SLC6A17: variants seen among roughly 807,000 people sequenced by gnomAD.
The protein encoded by SLC6A17 is solute carrier family 6 member 17, also known as sodium-dependent neutral amino acid transporter SLC6A17.
A neutral mutation model predicts 64.5 loss-of-function variants in SLC6A17; 21 were observed. The observed-to-expected ratio is 0.33, with a 90% CI of 0.23 to 0.47. The LOEUF is 0.47. Ranked by LOEUF, SLC6A17 falls within the 20% of genes least tolerant of loss-of-function variation. SLC6A17 has a pLI of 1.00. For missense variants in SLC6A17, 682 were observed against 963.2 expected (o/e 0.71, Z 3.86); for synonymous variants, 372 against 399.5 (o/e 0.93, Z 0.82).
intron 2 of SLC6A17, among the ~76,000 whole-genome samples, chr1:110,168,469 C>T (rs979156713): frequency 1.2e-4 from 18 of 152,186 alleles, no homozygotes; most frequent in Non-Finnish European, 1.8e-4. Flanking sequence ...TTCCATCTTT[C>T]CCCCATAGCA....
intron 2 of SLC6A17, among the ~76,000 whole-genome samples, chr1:110,171,154 C>T (rs1656213857): frequency 6.6e-6 from 1 of 152,182 alleles, no homozygotes; most frequent in Admixed American, 6.5e-5. Flanking sequence ...CTTCTGGAGG[C>T]TCTCTACTGG....
intron 2 of SLC6A17, among the ~76,000 whole-genome samples, chr1:110,168,980 C>T (rs546350575): frequency 6.6e-6 from 1 of 152,348 alleles, no homozygotes; most frequent in African/African-American, 2.4e-5. Flanking sequence ...CTGATTCCTG[C>T]AATCCCTTTT....
intron 6 of SLC6A17, among the ~76,000 whole-genome samples, chr1:110,183,944 G>A (rs1425937158): frequency 6.6e-6 from 1 of 152,134 alleles, no homozygotes; most frequent in Non-Finnish European, 1.5e-5. Context: ...GTGGCAGCAC[G>A]AAGGGCCCCC....
chr1:110,198,694 A>C lies in SLC6A17; in HGVS notation c.*250A>C. The C allele has an allele frequency of 2.0e-6, 1 of 512,418 alleles. No individual in the cohort carries two copies. Among genetic ancestry groups the C allele is most frequent in the Non-Finnish European group, 3.3e-6 (1 of 304,048 alleles). The allele number at this position is 512,418 out of a possible 1,614,324, so 31.7% of individuals were successfully genotyped here. On this transcript the variant is annotated 3_prime_UTR_variant, in exon 12 of 12. Coordinates refer to ENST00000331565, the MANE Select transcript of SLC6A17 (RefSeq NM_001010898.4). ...TCTAGCCCTCCAAGAGCCTCCGCCA[A>C]ATTGTAGCCATGTAATTGGAACAAC...
rs71665084 is a variant in SLC6A17 at position 110,194,564 on chromosome 1, C to T, written c.1300-15C>T. 1 of 1,609,768 alleles carries T rather than the reference C, an allele frequency of 6.2e-7. No individual in the cohort carries two copies. The highest frequency in any genetic ancestry group is 2.2e-5 in the East Asian group (1 of 44,770). ...GGGGTGACCTCACAGGCCCTGCTTTCCACCCCACCTTCAGTCCGTGCAGGG... is the reference window on the plus strand; with the variant it reads ...GGGGTGACCTCACAGGCCCTGCTTTTCACCCCACCTTCAGTCCGTGCAGGG... On this transcript the variant is annotated splice_polypyrimidine_tract_variant and intron_variant, in intron 8 of 11. Transcript: ENST00000331565.
At chr1:110,196,929 G>A (rs1414548714) in intron 10 of SLC6A17, among the ~76,000 whole-genome samples, 1 of 152,194 alleles carries the variant, frequency 6.6e-6, no homozygotes, top group Non-Finnish European at 1.5e-5. Flanking sequence ...CAAGATTTTA[G>A]TTAGCGGTTA....
chr1:110,172,282 G>A (rs370761823), intron 3 of SLC6A17, 65 bp downstream of exon 3: 8 of 1,505,992 alleles, frequency 5.3e-6, no homozygotes, highest in Non-Finnish European at 6.2e-6. Flanking sequence ...CATTGGAGAC[G>A]AGGTCACCGA....
At chr1:110,181,516 T>C (rs536859291) in intron 6 of SLC6A17, among the ~76,000 whole-genome samples, 1 of 152,370 alleles carries the variant, frequency 6.6e-6, no homozygotes, top group African/African-American at 2.4e-5. Flanking sequence ...ACAGACTTCC[T>C]GGTCCTCATG....
At chr1:110,178,790 T>C (rs930622206) in intron 6 of SLC6A17, 14 of 152,120 alleles carry the variant, frequency 9.2e-5, no homozygotes, top group Admixed American at 2.0e-4. Flanking sequence ...CCGTCAGGGC[T>C]CCACCGTCAT....
chr1:110,172,246 G>A, intron 3 of SLC6A17, 29 bp downstream of exon 3: 2 of 1,553,758 alleles, frequency 1.3e-6, no homozygotes, highest in Admixed American at 3.8e-5. Flanking sequence ...CAGGCACTGA[G>A]TGGGAGGCAG....
rs773673995 is a variant in SLC6A17, at chr1:110,198,172, C to T, written c.1912C>T (p.Leu638=). 4.3e-6 allele frequency: 7 copies of T among 1,614,112 alleles called. 1 individual carries two copies. The South Asian group carries it at 6.6e-5, about 15-fold the overall frequency. The change falls in exon 12 of 12, where the codon CTG becomes TTG. Residue 638 remains leucine (L), a synonymous_variant. Transcript: ENST00000331565. The part of the protein sequence containing the change: ...ATLPIPVVFV[L]RHFHLLSDGS... The stretch of plus-strand genomic sequence containing the variant: ...GCTGCCCATCCCTGTGGTGTTCGTC[C>T]TGCGGCACTTCCACCTGCTCTCTGA...
At chr1:110,170,062 A>G (rs1232697470) in intron 2 of SLC6A17, among the ~76,000 whole-genome samples, 3 of 152,094 alleles carry the variant, frequency 2.0e-5, no homozygotes, top group Non-Finnish European at 4.4e-5. Context: ...AGTTACCTGG[A>G]GGCTTTCCCT....
intron 10 of SLC6A17, 137 bp from the exon 11 acceptor site, chr1:110,197,300 G>A: frequency 2.6e-6 from 3 of 1,165,984 alleles, no homozygotes; most frequent in Non-Finnish European, 3.6e-6. Flanking sequence ...CACACAATGA[G>A]CACTGAATGT....
intron 2 of SLC6A17, among the ~76,000 whole-genome samples, chr1:110,171,118 T>A (rs1290665522): frequency 2.6e-5 from 4 of 152,172 alleles, no homozygotes; most frequent in Non-Finnish European, 4.4e-5. Flanking sequence ...TGTTATGTTA[T>A]GGGGGCAGAG....
At chr1:110,165,990 A>G (rs1656041567) in intron 1 of SLC6A17, among the ~76,000 whole-genome samples, 1 of 152,248 alleles carries the variant, frequency 6.6e-6, no homozygotes. Context: ...AAAGCATGAA[A>G]GACAAATGAG....
rs553134478 is a variant in SLC6A17 at position 110,195,377 on chromosome 1, C to T, written c.1493-209C>T. 6.6e-5 allele frequency among the ~76,000 whole-genome samples: 10 copies of T among 152,374 alleles called. No homozygotes were observed. In the South Asian group the frequency reaches 1.7e-3, roughly 25 times the overall value. Reference sequence around the variant, plus strand: ...GGCATGGGATGAAAGTTAGACACAACGCCTTCCTCAGGTGCTCCCCGACTA... The same window carrying T: ...GGCATGGGATGAAAGTTAGACACAATGCCTTCCTCAGGTGCTCCCCGACTA... On this transcript the variant is annotated intron_variant, in intron 9 of 11. Coordinates refer to ENST00000331565, the MANE Select transcript of SLC6A17 (RefSeq NM_001010898.4).
chr1:110,160,555 C>T (rs1307203410), intron 1 of SLC6A17, among the ~76,000 whole-genome samples: 1 of 152,170 alleles, frequency 6.6e-6, no homozygotes, highest in Non-Finnish European at 1.5e-5. Flanking sequence ...AGGGATCAGG[C>T]GTAACGACAA....
At chr1:110,185,754 T>C (rs933556387) in intron 6 of SLC6A17, among the ~76,000 whole-genome samples, 14 of 152,214 alleles carry the variant, frequency 9.2e-5, no homozygotes, top group Admixed American at 9.2e-4. Context: ...GTTAGAATCA[T>C]GCACCATCAC....
chr1:110,165,278 G>C (rs767980194), intron 1 of SLC6A17, among the ~76,000 whole-genome samples: 1 of 152,154 alleles, frequency 6.6e-6, no homozygotes, highest in Admixed American at 6.5e-5. Flanking sequence ...GAGGCCCAGG[G>C]CTGAAAGTTC....
Sources: gnomAD v4.1 joint callset for allele counts (sites outside exome capture counted in the v4.1 genomes callset) on GRCh38, gnomAD v4.1.1 for gene constraint, MANE v1.5 for transcripts, NCBI Gene and HGNC (gene_info 2026-07-23, HGNC 2026-07-21) for gene names.